NIPAL2: variants seen among roughly 807,000 people sequenced by gnomAD.
NIPAL2 encodes NIPA-like protein 2.
A neutral mutation model predicts 48.9 loss-of-function variants in NIPAL2; 43 were observed. The ratio of observed to expected loss-of-function variants is 0.88; its 90% confidence interval spans 0.69 to 1.13. The LOEUF (loss-of-function observed/expected upper bound fraction) is 1.13. NIPAL2 is among the 50% of genes most tolerant of loss of function. NIPAL2 has a pLI of 0.00. For synonymous variants in NIPAL2, 167 were observed against 174.6 expected (o/e 0.96, Z 0.34); for missense variants, 446 against 461.4 (o/e 0.97, Z 0.31).
rs57250881 is a variant in NIPAL2, at chr8:98,235,641, ATAT to A, written c.436+511_436+513del. ...GTGTTCATAAAATTTTATAACATTA[ATAT>A]TATTATAATAACCCATTATAAAATA... is the stretch of plus-strand genomic sequence containing the variant. On this transcript the variant is annotated intron_variant, in intron 4 of 10. Transcript: ENST00000430223. Among the ~76,000 whole-genome samples the A allele has an allele frequency of 9.3e-3, 1,415 of 151,950 alleles. 104 individuals are homozygous for A. The East Asian group carries it at 0.19, about 20-fold the overall frequency.
At chr8:98,209,486 C>T (rs1424018401) in intron 6 of NIPAL2, among the ~76,000 whole-genome samples, 1 of 147,806 alleles carries the variant, frequency 6.8e-6, no homozygotes, top group African/African-American at 2.5e-5. Context: ...GGCATGATGC[C>T]ACGCATCTGT....
rs1346594379 is a variant in NIPAL2, at chr8:98,210,112, ACTTTTCT to A, written c.655+2286_655+2292del. 3.3e-5 allele frequency among the ~76,000 whole-genome samples: 5 copies of A among 151,914 alleles called. No homozygotes were observed. In the South Asian group the frequency reaches 6.3e-4, roughly 19 times the overall value. ...TGTTGTGTTTAGTTATAAATCCATT[ACTTTTCT>A]CTTTTCTATTTCATTAATTTTTGCC... is the stretch of plus-strand genomic sequence containing the variant. On this transcript the variant is annotated intron_variant, in intron 6 of 10. Transcript: ENST00000430223.
chr8:98,250,318 C>T (rs1488469047), intron 3 of NIPAL2, among the ~76,000 whole-genome samples: 1 of 151,968 alleles, frequency 6.6e-6, no homozygotes, highest in African/African-American at 2.4e-5. Flanking sequence ...TCTGTAGACA[C>T]AGACATAAGA....
chr8:98,263,387 C>T lies in NIPAL2; in HGVS notation c.136-9300G>A, dbSNP rs1814486585. On this transcript the variant is annotated intron_variant, in intron 1 of 10. Transcript: ENST00000430223. ...CAAAATTGATAGACCGCTAGCAAGA[C>T]TAATAAAGAAAAAAAGAGAGAAGAA... Among the ~76,000 whole-genome samples the T allele has an allele frequency of 4.0e-5, 6 of 149,402 alleles. No homozygotes were observed. The South Asian group carries it at 1.3e-3, about 32-fold the overall frequency.
rs1732093757 is a variant in NIPAL2, at chr8:98,191,125, T to C, written c.*1853A>G. 6.6e-6 allele frequency: 1 copy of C among 152,238 alleles called. No homozygotes were observed. 9.4% of individuals were successfully genotyped at this position (152,238 alleles called of 1,614,324 possible). On this transcript the variant is annotated 3_prime_UTR_variant, in exon 11 of 11. Transcript: ENST00000430223. ...GGCGGCTGCTAAAGTACTGGTGTTATGCTTGTGCCTGTGTGAAATTCTACA... is the reference window on the plus strand; with the variant it reads ...GGCGGCTGCTAAAGTACTGGTGTTACGCTTGTGCCTGTGTGAAATTCTACA...
At position 98,203,256 on chromosome 8, in the gene NIPAL2, C is replaced by T. The variant is rs1245045771; in HGVS notation, c.792-60G>A. ...TAGGAGACATTCAGCAATAAGTTAA[C>T]AATAACTTCAAGAAACACGTGTTCT... On this transcript the variant is annotated intron_variant, in intron 7 of 10. Transcript: ENST00000430223. 1.0e-5 allele frequency: 12 copies of T among 1,191,298 alleles called. No individual in the cohort carries two copies. The East Asian group carries it at 2.8e-4, about 28-fold the overall frequency. 73.8% of individuals were successfully genotyped at this position (1,191,298 alleles called of 1,614,324 possible). A position where few individuals can be genotyped will look rare whatever the true frequency, so the allele number is the denominator to read the frequency against.
In NIPAL2 at chr8:98,259,810, G is replaced by A. The variant is rs367862601; in HGVS notation, c.136-5723C>T. Among the ~76,000 whole-genome samples the A allele has an allele frequency of 1.1e-3, 163 of 152,280 alleles. 5 individuals are homozygous for A. The South Asian group carries it at 0.033, about 31-fold the overall frequency. ...TAGTCAATGTCCAACCCCAGAGGGG[G>A]GCCATCCCTAGAGCACCCAGCCCCC... On this transcript the variant is annotated intron_variant, in intron 1 of 10. Coordinates refer to ENST00000430223, the MANE Select transcript of NIPAL2 (RefSeq NM_001321635.2).
At position 98,205,207 on chromosome 8, in the gene NIPAL2, A is replaced by G; in HGVS notation, c.695T>C (p.Met232Thr). The G allele has an allele frequency of 8.7e-6, 14 of 1,613,780 alleles. No homozygotes were observed. The highest frequency in any genetic ancestry group is 1.7e-5 in the Admixed American group (1 of 60,002). Residue 232 changes from methionine to threonine, a missense_variant, in exon 7 of 11, where the codon ATG (methionine) becomes ACG (threonine). Coordinates refer to ENST00000430223, the MANE Select transcript of NIPAL2 (RefSeq NM_001321635.2). ...TVISVKAVSGMITFSVMDKMQ... is the reference protein window; with the variant it reads ...TVISVKAVSGTITFSVMDKMQ... ...TTTATCCATCACAGAAAAAGTGATC[A>G]TGCCTGAGACGGCCTTTACTGAAAT...
At chr8:98,196,782 G>A (rs543890836) in intron 8 of NIPAL2, among the ~76,000 whole-genome samples, 4 of 152,288 alleles carry the variant, frequency 2.6e-5, no homozygotes, top group South Asian at 2.1e-4. Context: ...TTTATTGAAC[G>A]TCTGCTGTGC....
At chr8:98,227,951 T>G (rs746641105) in intron 4 of NIPAL2, among the ~76,000 whole-genome samples, 3 of 152,222 alleles carry the variant, frequency 2.0e-5, no homozygotes, top group Non-Finnish European at 4.4e-5. Flanking sequence ...GGTTGATTCC[T>G]CTCTGGATAG....
intron 5 of NIPAL2, chr8:98,216,950 T>C (rs1038300989): frequency 6.2e-5 from 43 of 688,212 alleles, no homozygotes; most frequent in Non-Finnish European, 7.2e-5. Flanking sequence ...ATCAAATCTT[T>C]CTCATTCTTA....
chr8:98,277,698 C>T (rs1815554953), intron 1 of NIPAL2, among the ~76,000 whole-genome samples: 1 of 152,134 alleles, frequency 6.6e-6, no homozygotes, highest in South Asian at 2.1e-4. Flanking sequence ...TAAATGGACT[C>T]ATATAGTATG....
At chr8:98,217,903 T>A (rs76910408) in intron 5 of NIPAL2, among the ~76,000 whole-genome samples, 7,411 of 152,318 alleles carry the variant, frequency 0.049, 261 homozygotes, top group Non-Finnish European at 0.079. Flanking sequence ...CTACGGGAAT[T>A]CCTTTCTCTA....
chr8:98,266,589 A>C (rs1814765756), intron 1 of NIPAL2, among the ~76,000 whole-genome samples: 1 of 151,716 alleles, frequency 6.6e-6, no homozygotes, highest in African/African-American at 2.4e-5. Context: ...AAGATTGTGA[A>C]GGCCATGTCT....
intron 3 of NIPAL2, among the ~76,000 whole-genome samples, chr8:98,238,644 T>C (rs982499208): frequency 1.3e-5 from 2 of 152,096 alleles, no homozygotes; most frequent in Non-Finnish European, 2.9e-5. Flanking sequence ...TTTTTCTCAT[T>C]CTGGTTGATC....
At chr8:98,285,319 A>G (rs1255972743) in intron 1 of NIPAL2, among the ~76,000 whole-genome samples, 1 of 151,776 alleles carries the variant, frequency 6.6e-6, no homozygotes, top group Non-Finnish European at 1.5e-5. Flanking sequence ...TGTTTACAGG[A>G]CTCCTATTTC....
intron 3 of NIPAL2, among the ~76,000 whole-genome samples, chr8:98,240,215 T>C (rs1291486337): frequency 1.3e-5 from 2 of 152,198 alleles, no homozygotes; most frequent in African/African-American, 4.8e-5. Context: ...GTTTGAGACA[T>C]GTTTGGGCAG....
At chr8:98,217,244 G>T in intron 5 of NIPAL2, 1 of 985,436 alleles carries the variant, frequency 1.0e-6, no homozygotes, top group Non-Finnish European at 1.2e-6. Context: ...TCTCTGTGAG[G>T]CTTCCATTTA....
intron 1 of NIPAL2, among the ~76,000 whole-genome samples, chr8:98,276,759 C>T (rs989337403): frequency 1.3e-5 from 2 of 148,608 alleles, no homozygotes; most frequent in East Asian, 3.9e-4. Flanking sequence ...TTCTTTCTTT[C>T]TTTTTTTTTT....
Sources: gnomAD v4.1 joint callset for allele counts (sites outside exome capture counted in the v4.1 genomes callset) on GRCh38, gnomAD v4.1.1 for gene constraint, MANE v1.5 for transcripts, NCBI Gene and HGNC (gene_info 2026-07-23, HGNC 2026-07-21) for gene names.